The following FOXN3 variants were observed in gnomAD, a reference collection of about 807,000 sequenced individuals.
FOXN3 encodes forkhead box protein N3.
FOXN3 carries 7 observed loss-of-function variants against 38.4 expected under a neutral mutation model. The observed-to-expected ratio is 0.18, with a 90% confidence interval of 0.10 to 0.34. FOXN3 has a LOEUF of 0.34. Among genes scored for constraint, FOXN3 ranks in the 10% least tolerant of loss-of-function variants. The pLI is 1.00. For synonymous variants in FOXN3, 230 were observed against 242.2 expected, an observed-to-expected ratio of 0.95 and a Z score of 0.47; for missense variants, 456 against 613.4, an observed-to-expected ratio of 0.74 and a Z score of 2.71.
chr14:89,323,826 A>T (rs1401771383), intron 3 of FOXN3, among the ~76,000 whole-genome samples: 1 of 152,234 alleles, frequency 6.6e-6, no homozygotes, highest in Non-Finnish European at 1.5e-5. Flanking sequence ...TTCCTGACAG[A>T]GAGCAAAGGC....
chr14:89,341,613 G>C (rs1888617660), intron 3 of FOXN3, among the ~76,000 whole-genome samples: 2 of 152,160 alleles, frequency 1.3e-5, no homozygotes, highest in Non-Finnish European at 2.9e-5. Context: ...AAAATGCTGA[G>C]ATCAAAAATA....
chr14:89,358,479 G>A (rs1447424410), intron 2 of FOXN3, among the ~76,000 whole-genome samples: 1 of 152,176 alleles, frequency 6.6e-6, no homozygotes, highest in African/African-American at 2.4e-5. Context: ...TACCCCATCC[G>A]TAATAAGAAC....
intron 1 of FOXN3, among the ~76,000 whole-genome samples, chr14:89,517,016 G>A (rs565055904): frequency 9.2e-5 from 14 of 152,050 alleles, no homozygotes; most frequent in East Asian, 5.8e-4. Flanking sequence ...ACTCAAATAC[G>A]TGATCTCCTG....
intron 1 of FOXN3, among the ~76,000 whole-genome samples, chr14:89,578,804 T>C (rs1895685132): frequency 6.6e-6 from 1 of 152,114 alleles, no homozygotes; most frequent in Non-Finnish European, 1.5e-5. Context: ...TCCTCTTAAC[T>C]GGTCTCTCTA....
chr14:89,171,668 CTTT>C (rs1023474730), intron 5 of FOXN3, among the ~76,000 whole-genome samples: 1 of 151,990 alleles, frequency 6.6e-6, no homozygotes, highest in African/African-American at 2.4e-5. Flanking sequence ...ACAATGCAAA[CTTT>C]TTTTTATGAA....
Position 89,323,681 on chromosome 14 carries a change from T to C in FOXN3, c.680+26991A>G, listed in dbSNP as rs569453678. Among the ~76,000 whole-genome samples the C allele has an allele frequency of 3.6e-4, 54 of 152,058 alleles. 1 individual carries two copies. The highest frequency in any genetic ancestry group is 1.6e-3 in the Admixed American group (24 of 15,276). ...TTGCAGTGAGCCAAGATCACGCCAC[T>C]GCACTCCAGCCTGGGCAACAGAATG... On this transcript the variant is annotated intron_variant, in intron 3 of 5. Coordinates refer to ENST00000557258, the MANE Select transcript of FOXN3 (RefSeq NM_005197.4).
intron 4 of FOXN3, among the ~76,000 whole-genome samples, chr14:89,204,463 G>A (rs781776029): frequency 6.6e-6 from 1 of 151,958 alleles, no homozygotes; most frequent in African/African-American, 2.4e-5. Flanking sequence ...TTCTTCCTCC[G>A]AAAAATAGAC....
At chr14:89,310,408 T>A (rs1887501337) in intron 3 of FOXN3, among the ~76,000 whole-genome samples, 1 of 152,206 alleles carries the variant, frequency 6.6e-6, no homozygotes, top group Non-Finnish European at 1.5e-5. Flanking sequence ...CACAGCTTCA[T>A]GTCTTTGTCC....
chr14:89,210,255 C>G (rs1490595145), intron 4 of FOXN3, among the ~76,000 whole-genome samples: 2 of 152,138 alleles, frequency 1.3e-5, no homozygotes, highest in African/African-American at 4.8e-5. Flanking sequence ...ATGGAGTTCT[C>G]ACAAGATCTG....
chr14:89,192,068 A>G (rs1483959006), intron 4 of FOXN3, among the ~76,000 whole-genome samples: 1 of 146,614 alleles, frequency 6.8e-6, no homozygotes, highest in Non-Finnish European at 1.5e-5. Flanking sequence ...TACATACTAT[A>G]TTAGCTATTA....
rs536688256 is a variant in FOXN3, at chr14:89,330,646, C to G, written c.680+20026G>C. On this transcript the variant is annotated intron_variant, in intron 3 of 5. Transcript: ENST00000557258. ...AAAGGGGTGAGACCAAAAGAAAAAC[C>G]ATAAACGATGTTTTTCCTTGGCATT... Among the ~76,000 whole-genome samples, 42 of 152,338 alleles carry G rather than the reference C, an allele frequency of 2.8e-4. 1 individual carries two copies. The South Asian group carries it at 8.5e-3, about 31-fold the overall frequency.
At chr14:89,320,895 G>A (rs1014957797) in intron 3 of FOXN3, among the ~76,000 whole-genome samples, 20 of 152,120 alleles carry the variant, frequency 1.3e-4, no homozygotes, top group African/African-American at 3.4e-4. Flanking sequence ...GCATGGCTGC[G>A]CGATTCTCAC....
intron 3 of FOXN3, among the ~76,000 whole-genome samples, chr14:89,341,765 G>A (rs1370186666): frequency 6.6e-6 from 1 of 152,170 alleles, no homozygotes; most frequent in Non-Finnish European, 1.5e-5. Flanking sequence ...ACTTTTGACA[G>A]TTTTCCTATT....
At chr14:89,360,531 A>G (rs903622089) in intron 2 of FOXN3, among the ~76,000 whole-genome samples, 1 of 147,278 alleles carries the variant, frequency 6.8e-6, no homozygotes, top group South Asian at 2.2e-4. Flanking sequence ...AAGGAAAAAA[A>G]GGGACACAGA....
intron 3 of FOXN3, among the ~76,000 whole-genome samples, chr14:89,285,536 AGAG>A (rs1402571794): frequency 6.8e-6 from 1 of 146,910 alleles, no homozygotes; most frequent in African/African-American, 2.5e-5. Context: ...AAAAAAAAAA[AGAG>A]AGAGAGAAGA....
intron 3 of FOXN3, among the ~76,000 whole-genome samples, chr14:89,314,577 T>G (rs1294503447): frequency 6.6e-6 from 1 of 152,226 alleles, no homozygotes; most frequent in Non-Finnish European, 1.5e-5. Flanking sequence ...CTTCCAGATT[T>G]TCTTGATTCA....
Position 89,618,552 on chromosome 14 carries a change from G to GC in FOXN3, c.-15+475dup, listed in dbSNP as rs11436944. Among the ~76,000 whole-genome samples, 435 of 152,320 alleles carry GC rather than the reference G, an allele frequency of 2.9e-3. 3 individuals are homozygous for GC. Among genetic ancestry groups the GC allele is most frequent in the African/African-American group, 9.9e-3 (411 of 41,562 alleles). ...GTTTATAATTGATAGCCAAACAGTT[G>GC]CGACAGCAATGCTGTAAACTCTGCC... On this transcript the variant is annotated intron_variant, in intron 1 of 6. Coordinates refer to the FOXN3 transcript ENST00000345097.
At chr14:89,248,870 A>G (rs1011505682) in intron 4 of FOXN3, among the ~76,000 whole-genome samples, 8 of 152,258 alleles carry the variant, frequency 5.3e-5, no homozygotes, top group African/African-American at 1.9e-4. Context: ...ATACTTTAAA[A>G]TGTCAGGAAT....
intron 3 of FOXN3, among the ~76,000 whole-genome samples, chr14:89,287,145 G>T (rs924296019): frequency 6.6e-6 from 1 of 151,848 alleles, no homozygotes; most frequent in Non-Finnish European, 1.5e-5. Context: ...CCCAAAGGTG[G>T]TTTTTCTTTT....
Sources: gnomAD v4.1 joint callset for allele counts (sites outside exome capture counted in the v4.1 genomes callset) on GRCh38, gnomAD v4.1.1 for gene constraint, MANE v1.5 for transcripts, NCBI Gene and HGNC (gene_info 2026-07-23, HGNC 2026-07-21) for gene names.